KAZN: variants seen among roughly 807,000 people sequenced by gnomAD.
The protein encoded by KAZN is kazrin.
In KAZN, 40 loss-of-function variants were observed where a neutral mutation model predicts 87.4. The ratio of observed to expected loss-of-function variants is 0.46; its 90% CI spans 0.36 to 0.60. The LOEUF (loss-of-function observed/expected upper bound fraction) is 0.60, where lower values mean the gene tolerates loss of function less well. Among genes scored for constraint, KAZN ranks in the 20% least tolerant of loss-of-function variants. The pLI is 0.00. For missense variants in KAZN, 898 were observed against 1,073.9 expected, an observed-to-expected ratio of 0.84 and a Z score of 2.29; for synonymous variants, 466 against 458.3, an observed-to-expected ratio of 1.02 and a Z score of -0.22.
At chr1:14,610,789 C>T (rs920058057) in intron 1 of KAZN, among the ~76,000 whole-genome samples, 1 of 152,072 alleles carries the variant, frequency 6.6e-6, no homozygotes, top group Non-Finnish European at 1.5e-5. Context: ...GTACCGGAGC[C>T]AGGATGTAGC....
chr1:14,633,697 A>G (rs896926830), intron 1 of KAZN, among the ~76,000 whole-genome samples: 2 of 152,168 alleles, frequency 1.3e-5, no homozygotes, highest in East Asian at 3.9e-4. Context: ...AATGACACAC[A>G]GTCCTCGACT....
intron 2 of KAZN, among the ~76,000 whole-genome samples, chr1:14,419,723 C>T (rs1328500713): frequency 6.6e-6 from 1 of 152,036 alleles, no homozygotes; most frequent in Non-Finnish European, 1.5e-5. Flanking sequence ...AGCCGCAGAC[C>T]TCCGCGGTGA....
intron 2 of KAZN, among the ~76,000 whole-genome samples, chr1:14,329,020 A>G (rs967835844): frequency 2.0e-5 from 3 of 152,150 alleles, no homozygotes; most frequent in Non-Finnish European, 4.4e-5. Context: ...TACCTTAACC[A>G]AAGACAAATT....
At chr1:14,082,490 C>G (rs1055891573) in intron 1 of KAZN, among the ~76,000 whole-genome samples, 1 of 152,154 alleles carries the variant, frequency 6.6e-6, no homozygotes, top group East Asian at 1.9e-4. Flanking sequence ...AATGACTGCC[C>G]GGAGATGCAA....
chr1:14,236,807 C>G (rs1648470812), intron 2 of KAZN, among the ~76,000 whole-genome samples: 1 of 151,912 alleles, frequency 6.6e-6, no homozygotes. Context: ...ACCTGTAGTC[C>G]CAGCTACATA....
intron 2 of KAZN, among the ~76,000 whole-genome samples, chr1:14,500,365 C>G (rs948994962): frequency 6.6e-6 from 1 of 152,128 alleles, no homozygotes; most frequent in Admixed American, 6.6e-5. Flanking sequence ...AAACACCGAC[C>G]TAAACTTTAC....
At chr1:14,296,550 G>C (rs997499166) in intron 2 of KAZN, among the ~76,000 whole-genome samples, 14 of 152,004 alleles carry the variant, frequency 9.2e-5, no homozygotes, top group African/African-American at 3.4e-4. Flanking sequence ...TCATGACCAT[G>C]GGCTGTGAGC....
At chr1:15,061,555 T>G (rs1638797530) in intron 6 of KAZN, 1 of 152,218 alleles carries the variant, frequency 6.6e-6, no homozygotes, top group Non-Finnish European at 1.5e-5. Context: ...GTTTCACTCT[T>G]GTCACCCAGG....
rs16850167 is a variant in KAZN, at chr1:14,375,324, C to T, written c.249+194732C>T. Reference sequence around the variant, plus strand: ...CCCAGGTATGCTAGACACCTAGGCACTGTCTCTCCATAAGTCAGTCCAACA... The same window carrying T: ...CCCAGGTATGCTAGACACCTAGGCATTGTCTCTCCATAAGTCAGTCCAACA... On this transcript the variant is annotated intron_variant, in intron 2 of 16. Coordinates refer to the KAZN transcript ENST00000636203. Among the ~76,000 whole-genome samples the T allele has an allele frequency of 6.1e-4, 93 of 152,278 alleles. 1 individual carries two copies. The Middle Eastern group carries it at 0.024, about 39-fold the overall frequency.
chr1:14,722,014 G>A (rs1205078668), intron 1 of KAZN, among the ~76,000 whole-genome samples: 1 of 152,036 alleles, frequency 6.6e-6, no homozygotes, highest in Non-Finnish European at 1.5e-5. Context: ...AATTAGCCAG[G>A]CATGGTGGTG....
At chr1:14,790,899 C>G (rs1645654463) in intron 1 of KAZN, among the ~76,000 whole-genome samples, 1 of 152,160 alleles carries the variant, frequency 6.6e-6, no homozygotes, top group Non-Finnish European at 1.5e-5. Flanking sequence ...ACCATGCTGC[C>G]CAGGCTGATC....
chr1:15,081,614 A>C lies in KAZN; in HGVS notation c.1223-12566A>C, dbSNP rs1315492082. Among the ~76,000 whole-genome samples the C allele has an allele frequency of 1.3e-5, 2 of 152,144 alleles. No homozygotes were observed. Among genetic ancestry groups the C allele is most frequent in the African/African-American group, 4.8e-5 (2 of 41,422 alleles). On this transcript the variant is annotated intron_variant, in intron 8 of 14. Coordinates refer to ENST00000376030, the MANE Select transcript of KAZN (RefSeq NM_201628.3). The surrounding 1 kb of genome is among the most constrained non-coding windows in gnomAD (Gnocchi z 4.1). ...TGTTGGGGAGTTGTAGGGTACCCAC[A>C]CTAGGTGACCAGGAAAGGAGTCCCT...
intron 1 of KAZN, among the ~76,000 whole-genome samples, chr1:14,151,886 C>T (rs1645481234): frequency 6.6e-6 from 1 of 151,690 alleles, no homozygotes; most frequent in South Asian, 2.1e-4. Context: ...TGTGGTATGA[C>T]ATTATGTAAT....
At chr1:14,628,021 T>G (rs1049826207) in intron 1 of KAZN, among the ~76,000 whole-genome samples, 3 of 152,090 alleles carry the variant, frequency 2.0e-5, no homozygotes, top group Non-Finnish European at 4.4e-5. Context: ...CTTCTCACCC[T>G]CTCTTTCCCA....
intron 1 of KAZN, among the ~76,000 whole-genome samples, chr1:14,653,846 C>T (rs543442590): frequency 2.0e-5 from 3 of 152,364 alleles, no homozygotes; most frequent in Admixed American, 6.5e-5. Context: ...GCTTTCTCAA[C>T]TGCAGTGCTA....
At chr1:14,694,344 C>T (rs1641485026) in intron 1 of KAZN, among the ~76,000 whole-genome samples, 1 of 152,216 alleles carries the variant, frequency 6.6e-6, no homozygotes, top group African/African-American at 2.4e-5. Flanking sequence ...AGGAAAACTG[C>T]ATCTAGAAAA....
chr1:14,994,576 A>G (rs1473382170), intron 2 of KAZN, among the ~76,000 whole-genome samples: 2 of 152,226 alleles, frequency 1.3e-5, no homozygotes, highest in Admixed American at 1.3e-4. Flanking sequence ...ATTTGGCTGC[A>G]CAGTCTTTTT....
At chr1:14,530,449 A>T (rs1249844207) in intron 2 of KAZN, among the ~76,000 whole-genome samples, 1 of 152,162 alleles carries the variant, frequency 6.6e-6, no homozygotes, top group Admixed American at 6.5e-5. Context: ...GTCTCCTCCA[A>T]ATCTCATGTT....
intron 2 of KAZN, among the ~76,000 whole-genome samples, chr1:15,032,173 G>A (rs1450684589): frequency 6.9e-6 from 1 of 145,674 alleles, no homozygotes; most frequent in Non-Finnish European, 1.5e-5. Flanking sequence ...TCCCATTGTG[G>A]ACATTTCTTT....
Sources: allele counts gnomAD v4.1 joint callset (sites outside exome capture counted in the v4.1 genomes callset), GRCh38; gene constraint gnomAD v4.1.1; non-coding constraint Gnocchi (gnomAD v3.1); transcripts MANE v1.5; gene names NCBI Gene and HGNC (gene_info 2026-07-23, HGNC 2026-07-21).